The following MAP4K3 variants were observed in gnomAD, a reference collection of about 807,000 sequenced individuals.
MAP4K3 encodes the protein mitogen-activated protein kinase kinase kinase kinase 3, also known as MAPK/ERK kinase kinase kinase 3.
Under a neutral mutation model 143.5 loss-of-function variants are expected in MAP4K3, and 94 were observed. The ratio of observed to expected loss-of-function variants is 0.65; its 90% CI spans 0.55 to 0.78. MAP4K3 has a LOEUF of 0.78. Ranked by LOEUF, MAP4K3 falls within the 30% of genes least tolerant of loss-of-function variation. MAP4K3 has a pLI of 0.00. For synonymous variants in MAP4K3, 416 were observed against 347.2 expected, an observed-to-expected ratio of 1.20 and a Z score of -2.20; for missense variants, 1,077 against 1,068.1, an observed-to-expected ratio of 1.01 and a Z score of -0.12.
At chr2:39,338,363 G>C (rs1435547647) in intron 4 of MAP4K3, among the ~76,000 whole-genome samples, 2 of 152,082 alleles carry the variant, frequency 1.3e-5, no homozygotes, top group African/African-American at 4.8e-5. Context: ...TAGCCAGATA[G>C]CTATAAAATT....
chr2:39,330,420 C>G (rs1683644952), intron 8 of MAP4K3, among the ~76,000 whole-genome samples: 1 of 152,062 alleles, frequency 6.6e-6, no homozygotes, highest in South Asian at 2.1e-4. Flanking sequence ...AAATGTTACT[C>G]CCATGCACGG....
At chr2:39,284,137 T>C (rs1440559095) in intron 21 of MAP4K3, among the ~76,000 whole-genome samples, 1 of 152,178 alleles carries the variant, frequency 6.6e-6, no homozygotes, top group Non-Finnish European at 1.5e-5. Flanking sequence ...ATGTCATCTA[T>C]TTTAGCAAAA....
intron 13 of MAP4K3, among the ~76,000 whole-genome samples, chr2:39,311,662 G>A (rs1190241691): frequency 6.6e-6 from 1 of 152,240 alleles, no homozygotes; most frequent in East Asian, 1.9e-4. Context: ...TGGCAAGGAA[G>A]TGAAGCCTCT....
intron 1 of MAP4K3, among the ~76,000 whole-genome samples, chr2:39,394,000 A>C: frequency 6.6e-6 from 1 of 152,174 alleles, no homozygotes; most frequent in East Asian, 1.9e-4. Flanking sequence ...CATGACATAA[A>C]ATTTCAAAGT....
intron 5 of MAP4K3, 95 bp from the exon 6 acceptor site, chr2:39,337,062 T>G: frequency 1.7e-6 from 1 of 602,364 alleles, no homozygotes. Context: ...CTGTGTATTT[T>G]ATTTAATCTT....
At chr2:39,405,697 G>A (rs961128231) in intron 1 of MAP4K3, among the ~76,000 whole-genome samples, 4 of 152,016 alleles carry the variant, frequency 2.6e-5, no homozygotes, top group Admixed American at 6.5e-5. Flanking sequence ...TTGAAATGCC[G>A]TGTCTACAAA....
intron 1 of MAP4K3, among the ~76,000 whole-genome samples, chr2:39,415,590 C>T (rs911900123): frequency 1.6e-4 from 25 of 152,128 alleles, no homozygotes; most frequent in Middle Eastern, 3.4e-3. Flanking sequence ...TTATGTCTCT[C>T]CAATCCTTAT....
intron 1 of MAP4K3, among the ~76,000 whole-genome samples, chr2:39,392,759 G>C (rs901090689): frequency 1.7e-4 from 26 of 152,166 alleles, no homozygotes; most frequent in African/African-American, 6.3e-4. Context: ...TCTTGAGACT[G>C]AGTTGGTTAT....
At chr2:39,341,651 G>A (rs574023187) in intron 4 of MAP4K3, among the ~76,000 whole-genome samples, 3 of 148,318 alleles carry the variant, frequency 2.0e-5, no homozygotes, top group East Asian at 2.0e-4. Context: ...GCAAGACTCC[G>A]TTTAAAAAAA....
At chr2:39,403,497 G>C (rs1337132730) in intron 1 of MAP4K3, among the ~76,000 whole-genome samples, 2 of 152,126 alleles carry the variant, frequency 1.3e-5, no homozygotes, top group Non-Finnish European at 2.9e-5. Context: ...GTGAGACTTT[G>C]CATTGAACTC....
At chr2:39,344,911 C>T (rs755612501) in intron 3 of MAP4K3, among the ~76,000 whole-genome samples, 4 of 152,156 alleles carry the variant, frequency 2.6e-5, no homozygotes, top group Non-Finnish European at 5.9e-5. Flanking sequence ...AGGAAATAAA[C>T]CCAGAATAGG....
At chr2:39,272,749 A>C (rs1335521534) in intron 24 of MAP4K3, among the ~76,000 whole-genome samples, 1 of 152,182 alleles carries the variant, frequency 6.6e-6, no homozygotes, top group Admixed American at 6.5e-5. Flanking sequence ...AATTAGGCTA[A>C]ATTTTAGCCT....
At chr2:39,339,938 T>C (rs999526635) in intron 4 of MAP4K3, among the ~76,000 whole-genome samples, 2 of 151,942 alleles carry the variant, frequency 1.3e-5, no homozygotes, top group East Asian at 3.9e-4. Flanking sequence ...AGTGAGAAAA[T>C]AATTAACCAT....
intron 29 of MAP4K3, 56 bp downstream of exon 29, chr2:39,260,550 C>T: frequency 6.9e-7 from 1 of 1,444,376 alleles, no homozygotes. Flanking sequence ...AGTAAACTTA[C>T]TACTTATAAA....
At position 39,315,300 on chromosome 2, in the gene MAP4K3, A is replaced by T; in HGVS notation, c.997+10T>A. 1 of 1,536,082 alleles carries T rather than the reference A, an allele frequency of 6.5e-7. No individual in the cohort carries two copies. Among genetic ancestry groups the T allele is most frequent in the South Asian group, 1.1e-5 (1 of 88,480 alleles). ...CATTAAATCATAAACTGTGTATAGT[A>T]TATACTTACAGGTTATCTCTGAGCG... On this transcript the variant is annotated intron_variant, in intron 13 of 33. Transcript: ENST00000263881.
chr2:39,352,156 T>C (rs1377406057), intron 3 of MAP4K3, among the ~76,000 whole-genome samples: 1 of 152,068 alleles, frequency 6.6e-6, no homozygotes, highest in African/African-American at 2.4e-5. Context: ...CTGGGTGTGG[T>C]AGCGTGCGCC....
Position 39,250,460 on chromosome 2 carries a change from C to CT in MAP4K3, c.*157dup. On this transcript the variant is annotated 3_prime_UTR_variant, in exon 34 of 34. Coordinates refer to ENST00000263881, the MANE Select transcript of MAP4K3 (RefSeq NM_003618.4). The stretch of plus-strand genomic sequence containing the variant: ...CAATATGCTAAATATATCCATACCA[C>CT]TTAAAACAAAATTTTCCCCATCTTA... The CT allele has an allele frequency of 1.1e-5, 7 of 641,564 alleles. No individual in the cohort carries two copies. In the South Asian group the frequency reaches 1.6e-4, roughly 15 times the overall value. 39.7% of individuals were successfully genotyped at this position (641,564 alleles called of 1,614,324 possible).
rs765858421 is a variant in MAP4K3 at position 39,299,793 on chromosome 2, T to A, written c.1128A>T (p.Gln376His). 2 of 1,569,290 alleles carry A rather than the reference T, an allele frequency of 1.3e-6. No individual in the cohort carries two copies. The highest frequency in any genetic ancestry group is 2.3e-5 in the East Asian group (1 of 43,772). The change falls in exon 16 of 34, where the codon CAA becomes CAT. Residue 376 changes from glutamine to histidine, a missense_variant. Gln to His is a conservative substitution (Grantham distance 24). Around this residue, in one of 2 missense-constraint regions of MAP4K3, gnomAD observed 864 missense variants for 801.2 expected, o/e 1.08. Transcript: ENST00000263881. ...YYTARSNLDLQLEYGQGHQGG... is the reference protein window; with the variant it reads ...YYTARSNLDLHLEYGQGHQGG... ...CTTGGTGTCCTTGTCCATATTCCAGTTGCAGATCCTAATAGTACAAAATAA... is the reference window on the plus strand; with the variant it reads ...CTTGGTGTCCTTGTCCATATTCCAGATGCAGATCCTAATAGTACAAAATAA...
intron 28 of MAP4K3, among the ~76,000 whole-genome samples, chr2:39,261,776 T>C (rs555404515): frequency 6.6e-6 from 1 of 152,212 alleles, no homozygotes; most frequent in African/African-American, 2.4e-5. Context: ...TATACAAATA[T>C]AATGTTGCAC....
Sources: allele counts gnomAD v4.1 joint callset (sites outside exome capture counted in the v4.1 genomes callset), GRCh38; gene constraint gnomAD v4.1.1; regional missense constraint gnomAD v4.1.1; transcripts MANE v1.5; gene names NCBI Gene and HGNC (gene_info 2026-07-23, HGNC 2026-07-21).